Variants in GALNT13 observed in about 807,000 individuals in gnomAD.
GALNT13 encodes UDP-GalNAc:polypeptide N-acetylgalactosaminyltransferase 13.
In GALNT13, 28 loss-of-function variants were observed where a neutral mutation model predicts 64.2. That is an observed-to-expected ratio of 0.44 (90% CI 0.32 to 0.60). The LOEUF is 0.60. Among genes scored for constraint, GALNT13 ranks in the 20% least tolerant of loss-of-function variants. The pLI, the probability that GALNT13 is intolerant of heterozygous loss-of-function variation, is 0.05. For synonymous variants in GALNT13, 214 were observed against 224.6 expected (o/e 0.95, Z 0.42); for missense variants, 577 against 669.8 (o/e 0.86, Z 1.53).
chr2:154,247,701 C>A (rs1689854181), intron 7 of GALNT13, among the ~76,000 whole-genome samples: 2 of 152,110 alleles, frequency 1.3e-5, no homozygotes, highest in South Asian at 4.1e-4. Flanking sequence ...TATATTTTAA[C>A]CATAATTTAT....
chr2:153,341,105 C>T, the GALNT13 span, among the ~76,000 whole-genome samples: 1 of 152,218 alleles, frequency 6.6e-6, no homozygotes, highest in South Asian at 2.1e-4. Flanking sequence ...TTGAAATTAC[C>T]TGAGTTTAAT....
At chr2:154,126,429 A>G (rs1211907683) in intron 3 of GALNT13, among the ~76,000 whole-genome samples, 1 of 151,944 alleles carries the variant, frequency 6.6e-6, no homozygotes, top group Non-Finnish European at 1.5e-5. Context: ...AGGTCAGGGG[A>G]TGGAGACCAT....
intron 3 of GALNT13, among the ~76,000 whole-genome samples, chr2:154,105,936 G>T (rs1420944825): frequency 6.6e-6 from 1 of 152,224 alleles, no homozygotes; most frequent in Non-Finnish European, 1.5e-5. Flanking sequence ...ATTAGCTGTG[G>T]CACTCATATA....
At chr2:154,167,008 A>G (rs1559000167) in intron 4 of GALNT13, among the ~76,000 whole-genome samples, 1 of 152,138 alleles carries the variant, frequency 6.6e-6, no homozygotes, top group Non-Finnish European at 1.5e-5. Context: ...GGATAGCATT[A>G]GGAGATATAC....
the GALNT13 span, among the ~76,000 whole-genome samples, chr2:153,158,715 G>A: frequency 6.6e-6 from 1 of 152,172 alleles, no homozygotes; most frequent in East Asian, 1.9e-4. Flanking sequence ...TATTGTATGG[G>A]ATCTTTAATT....
the GALNT13 span, among the ~76,000 whole-genome samples, chr2:153,109,299 A>G: frequency 5.9e-5 from 9 of 152,130 alleles, no homozygotes; most frequent in Non-Finnish European, 1.3e-4. Flanking sequence ...AGAAACTCTA[A>G]GATGACATGT....
chr2:153,985,822 T>TA (rs1209025829), intron 3 of GALNT13, among the ~76,000 whole-genome samples: 1 of 152,058 alleles, frequency 6.6e-6, no homozygotes, highest in Non-Finnish European at 1.5e-5. Context: ...CATTATTTAT[T>TA]AAAATGCTAT....
At chr2:153,127,705 T>C in the GALNT13 span, among the ~76,000 whole-genome samples, 1 of 152,328 alleles carries the variant, frequency 6.6e-6, no homozygotes, top group South Asian at 2.1e-4. Context: ...TGCATCATTA[T>C]TTTATTCTGA....
the GALNT13 span, among the ~76,000 whole-genome samples, chr2:153,264,595 T>C: frequency 1.3e-5 from 2 of 152,232 alleles, no homozygotes; most frequent in Admixed American, 6.5e-5. Flanking sequence ...AATCATGGAA[T>C]ACTATTCAGC....
chr2:153,647,257 G>A, the GALNT13 span, among the ~76,000 whole-genome samples: 1 of 152,170 alleles, frequency 6.6e-6, no homozygotes, highest in African/African-American at 2.4e-5. Context: ...CTGCATAAAT[G>A]TCTTCTTTTG....
intron 3 of GALNT13, among the ~76,000 whole-genome samples, chr2:153,967,762 C>T (rs1026401552): frequency 1.3e-5 from 2 of 151,962 alleles, no homozygotes; most frequent in Admixed American, 6.6e-5. Flanking sequence ...CTGTCTGCCC[C>T]GGATATTTTT....
chr2:153,314,601 T>C, the GALNT13 span, among the ~76,000 whole-genome samples: 2 of 151,696 alleles, frequency 1.3e-5, no homozygotes, highest in Non-Finnish European at 1.5e-5. Flanking sequence ...CTAATAACAA[T>C]GGAATAAAAT....
At chr2:154,084,857 A>G (rs933046576) in intron 3 of GALNT13, among the ~76,000 whole-genome samples, 2 of 151,940 alleles carry the variant, frequency 1.3e-5, no homozygotes, top group Admixed American at 1.3e-4. Context: ...ATGATTAACA[A>G]GTTTGAACAT....
chr2:154,260,114 G>C (rs1332874849), intron 8 of GALNT13, among the ~76,000 whole-genome samples: 6 of 151,682 alleles, frequency 4.0e-5, no homozygotes, highest in African/African-American at 1.5e-4. Flanking sequence ...TCAAATTCCT[G>C]AGCTCAAGCA....
intron 2 of GALNT13, among the ~76,000 whole-genome samples, chr2:153,932,616 TTCTG>T (rs1690608858): frequency 2.1e-5 from 3 of 143,778 alleles, no homozygotes; most frequent in Non-Finnish European, 4.5e-5. Flanking sequence ...TTTTCTTTTT[TTCTG>T]TCTTTCTTTT....
chr2:153,385,829 A>G, the GALNT13 span, among the ~76,000 whole-genome samples: 1 of 151,410 alleles, frequency 6.6e-6, no homozygotes, highest in African/African-American at 2.4e-5. Context: ...ACCCATAACT[A>G]TATACACTAC....
At chr2:154,007,101 A>G (rs922508047) in intron 3 of GALNT13, among the ~76,000 whole-genome samples, 1 of 152,204 alleles carries the variant, frequency 6.6e-6, no homozygotes, top group Admixed American at 6.5e-5. Context: ...TCAAGGAGTG[A>G]CTGAGACATT....
Position 154,185,194 on chromosome 2 carries a change from G to A in GALNT13, c.311+44689G>A, listed in dbSNP as rs1009890542. 5.3e-5 allele frequency among the ~76,000 whole-genome samples: 8 copies of A among 152,172 alleles called. No homozygotes were observed. The East Asian group carries it at 1.5e-3, about 29-fold the overall frequency. On this transcript the variant is annotated intron_variant, in intron 4 of 12. Coordinates refer to ENST00000392825, the MANE Select transcript of GALNT13 (RefSeq NM_052917.4). Reference sequence around the variant, plus strand: ...TTCACTTTGACCTGACATGCAGAGTGTTGGCTGAAAAATTTACAGATAATT... The same window carrying A: ...TTCACTTTGACCTGACATGCAGAGTATTGGCTGAAAAATTTACAGATAATT...
chr2:154,140,047 T>C (rs1192905411), intron 3 of GALNT13, among the ~76,000 whole-genome samples: 1 of 152,096 alleles, frequency 6.6e-6, no homozygotes, highest in Non-Finnish European at 1.5e-5. Context: ...TCTCTAATAG[T>C]GTATGAAATA....
Sources: allele counts gnomAD v4.1 joint callset (sites outside exome capture counted in the v4.1 genomes callset), GRCh38; gene constraint gnomAD v4.1.1; transcripts MANE v1.5; gene names NCBI Gene and HGNC (gene_info 2026-07-23, HGNC 2026-07-21).